The following NRXN1 variants were observed in gnomAD, a reference collection of about 807,000 sequenced individuals.
The protein encoded by NRXN1 is neurexin 1.
Under a neutral mutation model 150.9 loss-of-function variants are expected in NRXN1, and 39 were observed. The ratio of observed to expected loss-of-function variants is 0.26; its 90% CI spans 0.20 to 0.34. The LOEUF (loss-of-function observed/expected upper bound fraction) is 0.34, where lower values mean the gene tolerates loss of function less well. Among genes scored for constraint, NRXN1 ranks in the 10% least tolerant of loss-of-function variants. The probability of loss-of-function intolerance (pLI) is 1.00; values close to 1 mark genes in which losing one functional copy is unlikely to be tolerated. For missense variants in NRXN1, 1,815 were observed against 1,949.9 expected, an observed-to-expected ratio of 0.93 and a Z score of 1.30; for synonymous variants, 924 against 757.0, an observed-to-expected ratio of 1.22 and a Z score of -3.62.
chr2:50,962,937 A>G (rs1277954875), intron 2 of NRXN1, among the ~76,000 whole-genome samples: 1 of 151,626 alleles, frequency 6.6e-6, no homozygotes, highest in East Asian at 1.9e-4. Flanking sequence ...GATCATCAGA[A>G]TTGTGCAAAA....
chr2:50,906,832 A>G (rs764052653), intron 5 of NRXN1, among the ~76,000 whole-genome samples: 8 of 152,088 alleles, frequency 5.3e-5, no homozygotes, highest in Non-Finnish European at 1.0e-4. Context: ...ACCTGTGAAT[A>G]GGTTGGATTA....
At chr2:50,317,655 A>G (rs1173463390) in intron 17 of NRXN1, among the ~76,000 whole-genome samples, 2 of 152,044 alleles carry the variant, frequency 1.3e-5, no homozygotes, top group Non-Finnish European at 1.5e-5. Flanking sequence ...AATCACAGAA[A>G]AAAACGTCTA....
chr2:50,351,159 G>A (rs1266825609), intron 17 of NRXN1, among the ~76,000 whole-genome samples: 2 of 152,144 alleles, frequency 1.3e-5, no homozygotes, highest in Admixed American at 6.6e-5. Context: ...GGAAACTGAG[G>A]CAGAATCTCA....
At chr2:50,282,773 CAATTTGTTGACTAATT>C (rs1051729860) in intron 17 of NRXN1, among the ~76,000 whole-genome samples, 1 of 152,098 alleles carries the variant, frequency 6.6e-6, no homozygotes, top group Non-Finnish European at 1.5e-5. Context: ...TTTTTTTCCA[CAATTTGTTGACTAATT>C]GGAGCAGCAA....
chr2:50,501,479 T>C (rs1356546208), intron 13 of NRXN1, among the ~76,000 whole-genome samples: 2 of 151,538 alleles, frequency 1.3e-5, no homozygotes, highest in Non-Finnish European at 2.9e-5. Flanking sequence ...GCAGTTATAG[T>C]AGAAATGAAA....
At chr2:50,779,196 T>C (rs1704030679) in intron 5 of NRXN1, among the ~76,000 whole-genome samples, 1 of 152,080 alleles carries the variant, frequency 6.6e-6, no homozygotes, top group African/African-American at 2.4e-5. Flanking sequence ...CCTGACAGGT[T>C]CTAGTGTGTG....
intron 8 of NRXN1, among the ~76,000 whole-genome samples, chr2:50,566,942 C>T (rs948307915): frequency 2.6e-4 from 40 of 152,070 alleles, no homozygotes; most frequent in Non-Finnish European, 7.4e-5. Flanking sequence ...TTCTCTTTTT[C>T]GACCAAGTGC....
At position 50,347,580 on chromosome 2, in the gene NRXN1, C is replaced by G; in HGVS notation, c.3365-110610G>C. ...AGCAGCGGCGCGCATCGCCTGCTCC[C>G]GAGGCAATCTCCGCGTCCGCCGCCT... is the stretch of plus-strand genomic sequence containing the variant. On this transcript the variant is annotated intron_variant, in intron 17 of 22. Coordinates refer to ENST00000401669, the MANE Select transcript of NRXN1 (RefSeq NM_001330078.2). The surrounding 1 kb of genome is among the most constrained non-coding windows in gnomAD (Gnocchi z 4.9). The G allele has an allele frequency of 9.9e-7, 1 of 1,013,258 alleles. No homozygotes were observed. Among genetic ancestry groups the G allele is most frequent in the South Asian group, 3.7e-5 (1 of 26,890 alleles). The allele number at this position is 1,013,258 out of a possible 1,614,324, so 62.8% of individuals were successfully genotyped here.
intron 18 of NRXN1, among the ~76,000 whole-genome samples, chr2:50,114,210 G>C (rs536529973): frequency 6.6e-6 from 1 of 152,206 alleles, no homozygotes; most frequent in East Asian, 1.9e-4. Context: ...CAAAATATCT[G>C]AAATTACCAA....
chr2:50,596,054 G>A (rs1467019276), intron 8 of NRXN1, among the ~76,000 whole-genome samples: 3 of 152,200 alleles, frequency 2.0e-5, no homozygotes, highest in Admixed American at 2.0e-4. Context: ...TTTCATGTTT[G>A]TTTTGATGGC....
intron 8 of NRXN1, among the ~76,000 whole-genome samples, chr2:50,589,740 A>G (rs1573677759): frequency 1.6e-5 from 2 of 123,926 alleles, no homozygotes; most frequent in African/African-American, 2.8e-5. Flanking sequence ...CCCAACTGTT[A>G]TAGCCAGACA....
chr2:50,906,116 T>C (rs1683636109), intron 5 of NRXN1, among the ~76,000 whole-genome samples: 1 of 152,144 alleles, frequency 6.6e-6, no homozygotes, highest in South Asian at 2.1e-4. Context: ...TTATCCCTAC[T>C]GGCACTCTGA....
At chr2:50,118,686 T>G (rs1004165103) in intron 18 of NRXN1, among the ~76,000 whole-genome samples, 5 of 152,146 alleles carry the variant, frequency 3.3e-5, no homozygotes, top group Non-Finnish European at 7.4e-5. Flanking sequence ...ACTATAGTAA[T>G]GAACTACTGT....
chr2:50,654,944 C>G (rs955497783), intron 5 of NRXN1, among the ~76,000 whole-genome samples: 3 of 151,966 alleles, frequency 2.0e-5, no homozygotes, highest in Admixed American at 2.0e-4. Context: ...CACTCTCCAA[C>G]CAAGTGAACA....
At chr2:50,760,187 G>T (rs1701644259) in intron 5 of NRXN1, among the ~76,000 whole-genome samples, 1 of 151,844 alleles carries the variant, frequency 6.6e-6, no homozygotes, top group Non-Finnish European at 1.5e-5. Flanking sequence ...ATATTCCACT[G>T]GGAGCTTGGA....
chr2:50,551,050 G>GGAAGAGGAAGAAGAAGAAGAA (rs1335681510), intron 9 of NRXN1, among the ~76,000 whole-genome samples: 9 of 79,014 alleles, frequency 1.1e-4, no homozygotes, highest in African/African-American at 6.6e-4. Context: ...AAGAGGAAGA[G>GGAAGAGGAAGAAGAAGAAGAA]GAAGAAGAAG....
chr2:50,304,901 C>T (rs1454277712), intron 17 of NRXN1, among the ~76,000 whole-genome samples: 2 of 152,150 alleles, frequency 1.3e-5, no homozygotes, highest in Non-Finnish European at 2.9e-5. Context: ...ACCAGCCTGG[C>T]CAACATGTTG....
chr2:50,369,521 G>A (rs1259445319), intron 17 of NRXN1, among the ~76,000 whole-genome samples: 1 of 151,886 alleles, frequency 6.6e-6, no homozygotes, highest in Admixed American at 6.6e-5. Context: ...ATAATGTGAT[G>A]GTGTTACTTG....
chr2:50,279,975 T>C (rs1230384938), intron 17 of NRXN1, among the ~76,000 whole-genome samples: 1 of 152,166 alleles, frequency 6.6e-6, no homozygotes, highest in African/African-American at 2.4e-5. Context: ...AAAAGTATTC[T>C]ATTAAAAAGC....
Sources: allele counts gnomAD v4.1 joint callset (sites outside exome capture counted in the v4.1 genomes callset), GRCh38; gene constraint gnomAD v4.1.1; non-coding constraint Gnocchi (gnomAD v3.1); transcripts MANE v1.5; gene names NCBI Gene and HGNC (gene_info 2026-07-23, HGNC 2026-07-21).